PLXDC2: variants seen among roughly 807,000 people sequenced by gnomAD.
PLXDC2 encodes plexin domain-containing protein 2.
A neutral mutation model predicts 68.9 loss-of-function variants in PLXDC2; 40 were observed. That is an observed-to-expected ratio of 0.58 (90% CI 0.45 to 0.76). The LOEUF (loss-of-function observed/expected upper bound fraction) is 0.76, where lower values mean the gene tolerates loss of function less well. Ranked by LOEUF, PLXDC2 falls within the 30% of genes least tolerant of loss-of-function variation. The probability of loss-of-function intolerance (pLI) is 0.00; values close to 1 mark genes in which losing one functional copy is unlikely to be tolerated. For synonymous variants in PLXDC2, 243 were observed against 234.2 expected, an observed-to-expected ratio of 1.04 and a Z score of -0.34; for missense variants, 644 against 661.9, an observed-to-expected ratio of 0.97 and a Z score of 0.30.
chr10:20,086,464 T>G (rs1482225752), intron 4 of PLXDC2, among the ~76,000 whole-genome samples: 1 of 152,018 alleles, frequency 6.6e-6, no homozygotes, highest in Non-Finnish European at 1.5e-5. Flanking sequence ...AGTGCTGGGA[T>G]TACAGGCATG....
rs147125576 is a variant in PLXDC2, at chr10:20,042,852, C to G, written c.325-4017C>G. Among the ~76,000 whole-genome samples, 3 of 152,276 alleles carry G rather than the reference C, an allele frequency of 2.0e-5. No homozygotes were observed. The East Asian group carries it at 5.8e-4, about 29-fold the overall frequency. ...TTGTCTACAGCTGCACATTTCCATGCATTTTCGAGAAACATGGATTTATAC... is the reference window on the plus strand; with the variant it reads ...TTGTCTACAGCTGCACATTTCCATGGATTTTCGAGAAACATGGATTTATAC... On this transcript the variant is annotated intron_variant, in intron 2 of 13. Transcript: ENST00000377252.
intron 12 of PLXDC2, among the ~76,000 whole-genome samples, chr10:20,233,581 T>A (rs1835392943): frequency 6.6e-6 from 1 of 152,076 alleles, no homozygotes; most frequent in African/African-American, 2.4e-5. Context: ...GCTCAGGGAT[T>A]TAAGTAATTT....
intron 4 of PLXDC2, among the ~76,000 whole-genome samples, chr10:20,105,720 C>T (rs1833482900): frequency 6.6e-6 from 1 of 152,184 alleles, no homozygotes; most frequent in African/African-American, 2.4e-5. Context: ...AAATGGGTAT[C>T]ACCTTGGTTG....
intron 1 of PLXDC2, among the ~76,000 whole-genome samples, chr10:19,939,603 G>T (rs963844660): frequency 1.3e-5 from 2 of 152,134 alleles, no homozygotes; most frequent in African/African-American, 4.8e-5. Context: ...AAAGCTCACA[G>T]AAAGTAGGAT....
At chr10:20,073,366 G>C (rs1430980340) in intron 4 of PLXDC2, among the ~76,000 whole-genome samples, 1 of 152,048 alleles carries the variant, frequency 6.6e-6, no homozygotes, top group African/African-American at 2.4e-5. Context: ...TTATTGCTAA[G>C]GTCAGCACAA....
intron 4 of PLXDC2, among the ~76,000 whole-genome samples, chr10:20,084,404 A>G (rs531240170): frequency 1.1e-4 from 17 of 152,310 alleles, no homozygotes; most frequent in Admixed American, 3.3e-4. Flanking sequence ...GCCTTATAGC[A>G]GGAAGGTGGT....
At chr10:20,073,444 G>A (rs1430141773) in intron 4 of PLXDC2, among the ~76,000 whole-genome samples, 2 of 152,092 alleles carry the variant, frequency 1.3e-5, no homozygotes, top group Non-Finnish European at 2.9e-5. Context: ...TTTGTATGTT[G>A]TATGTATTTT....
At chr10:20,208,494 G>C (rs1365710334) in intron 9 of PLXDC2, among the ~76,000 whole-genome samples, 1 of 152,160 alleles carries the variant, frequency 6.6e-6, no homozygotes, top group African/African-American at 2.4e-5. Context: ...TGAAATTCAA[G>C]ATGAGATTTG....
At chr10:20,271,511 AG>A (rs1835940473) in intron 13 of PLXDC2, among the ~76,000 whole-genome samples, 2 of 152,230 alleles carry the variant, frequency 1.3e-5, no homozygotes, top group Non-Finnish European at 2.9e-5. Flanking sequence ...AATGGAAATT[AG>A]AGTGTGATTC....
chr10:20,154,803 T>A (rs140165876), intron 6 of PLXDC2, among the ~76,000 whole-genome samples: 3 of 151,884 alleles, frequency 2.0e-5, no homozygotes, highest in African/African-American at 7.3e-5. Flanking sequence ...TTTCACTAGC[T>A]TATGTGAGGA....
At chr10:19,869,553 A>G (rs982020475) in intron 1 of PLXDC2, among the ~76,000 whole-genome samples, 1 of 151,982 alleles carries the variant, frequency 6.6e-6, no homozygotes, top group Non-Finnish European at 1.5e-5. Flanking sequence ...CATTTGTACA[A>G]CATATTAATA....
At chr10:20,098,043 T>C (rs1030907551) in intron 4 of PLXDC2, among the ~76,000 whole-genome samples, 1 of 151,402 alleles carries the variant, frequency 6.6e-6, no homozygotes, top group East Asian at 1.9e-4. Flanking sequence ...GGATATAAAA[T>C]ATTACTCTCC....
chr10:19,883,444 G>A (rs1483442089), intron 1 of PLXDC2, among the ~76,000 whole-genome samples: 1 of 152,052 alleles, frequency 6.6e-6, no homozygotes, highest in African/African-American at 2.4e-5. Context: ...AATATTCATA[G>A]CATGAAATTC....
At chr10:20,080,183 A>C (rs1836526353) in intron 4 of PLXDC2, among the ~76,000 whole-genome samples, 1 of 152,184 alleles carries the variant, frequency 6.6e-6, no homozygotes, top group Non-Finnish European at 1.5e-5. Flanking sequence ...CATTCTATCG[A>C]GAAAAAGCTA....
At chr10:20,198,133 G>A (rs1418266714) in intron 9 of PLXDC2, among the ~76,000 whole-genome samples, 1 of 152,098 alleles carries the variant, frequency 6.6e-6, no homozygotes, top group Non-Finnish European at 1.5e-5. Flanking sequence ...GGCAGCTTGG[G>A]TTGAATATTT....
rs144512131 is a variant in PLXDC2, at chr10:19,986,704, C to G, written c.113-15071C>G. Among the ~76,000 whole-genome samples, 272 of 152,252 alleles carry G rather than the reference C, an allele frequency of 1.8e-3. 1 individual carries two copies. The highest frequency in any genetic ancestry group is 6.2e-3 in the African/African-American group (258 of 41,550). On this transcript the variant is annotated intron_variant, in intron 1 of 13. Coordinates refer to ENST00000377252, the MANE Select transcript of PLXDC2 (RefSeq NM_032812.9). ...ATTATGTAAAGTTAAAGTGAGAACA[C>G]GGTGATGTCTTTTCCTCTCTTTATC...
chr10:20,038,449 C>T (rs946522175), intron 2 of PLXDC2, among the ~76,000 whole-genome samples: 4 of 151,972 alleles, frequency 2.6e-5, no homozygotes, highest in Non-Finnish European at 4.4e-5. Context: ...ATATAACCAA[C>T]AGGAGACAGA....
At chr10:20,093,687 T>C (rs1833311097) in intron 4 of PLXDC2, among the ~76,000 whole-genome samples, 2 of 152,348 alleles carry the variant, frequency 1.3e-5, no homozygotes, top group South Asian at 4.1e-4. Context: ...TTTATTTATT[T>C]ACTTGAGACA....
chr10:19,951,308 C>T (rs925205971), intron 1 of PLXDC2, among the ~76,000 whole-genome samples: 1 of 152,002 alleles, frequency 6.6e-6, no homozygotes, highest in Non-Finnish European at 1.5e-5. Context: ...AAAGCAACCC[C>T]ATTAAAAAGT....
Sources: allele counts gnomAD v4.1 joint callset (sites outside exome capture counted in the v4.1 genomes callset), GRCh38; gene constraint gnomAD v4.1.1; transcripts MANE v1.5; gene names NCBI Gene and HGNC (gene_info 2026-07-23, HGNC 2026-07-21).